The following COL3A1 variants were observed in gnomAD, a reference collection of about 807,000 sequenced individuals.
COL3A1 encodes collagen type III alpha 1 chain.
In COL3A1, 46 loss-of-function variants were observed where a neutral mutation model predicts 200.9. The ratio of observed to expected loss-of-function variants is 0.23; its 90% confidence interval spans 0.18 to 0.29. COL3A1 has a LOEUF of 0.29. Among genes scored for constraint, COL3A1 ranks in the 10% least tolerant of loss-of-function variants. The pLI is 1.00. For synonymous variants in COL3A1, 650 were observed against 628.0 expected, an observed-to-expected ratio of 1.03 and a Z score of -0.52; for missense variants, 1,367 against 1,917.6, an observed-to-expected ratio of 0.71 and a Z score of 5.36.
intron 7 of COL3A1, among the ~76,000 whole-genome samples, chr2:188,989,188 C>T (rs779854813): frequency 1.5e-5 from 2 of 137,062 alleles, no homozygotes; most frequent in Non-Finnish European, 3.0e-5. Flanking sequence ...AATACACATA[C>T]GTAATATATG....
At chr2:188,975,557 T>G (rs1489347864) in intron 1 of COL3A1, among the ~76,000 whole-genome samples, 1 of 152,212 alleles carries the variant, frequency 6.6e-6, no homozygotes, top group Non-Finnish European at 1.5e-5. Flanking sequence ...ACAATTTTTA[T>G]TGCACATAAC....
chr2:188,991,740 C>T lies in COL3A1; in HGVS notation c.951+18C>T, dbSNP rs1688195035. ...GGGCTGCAGTGAGTATAGCTGCTAACATCACACAATTACAACCCAAAGTGA... is the reference window on the plus strand; with the variant it reads ...GGGCTGCAGTGAGTATAGCTGCTAATATCACACAATTACAACCCAAAGTGA... On this transcript the variant is annotated intron_variant, in intron 13 of 50. Transcript: ENST00000304636. 6.2e-7 allele frequency: 1 copy of T among 1,613,556 alleles called. No homozygotes were observed. Among genetic ancestry groups the T allele is most frequent in the African/African-American group, 1.3e-5 (1 of 75,006 alleles).
chr2:188,977,658 A>C (rs1687851196), intron 1 of COL3A1, among the ~76,000 whole-genome samples: 1 of 152,094 alleles, frequency 6.6e-6, no homozygotes, highest in South Asian at 2.1e-4. Context: ...AAAATGACGG[A>C]GTCAAGGCTA....
chr2:188,990,442 G>A, intron 10 of COL3A1, 82 bp downstream of exon 10: 1 of 1,073,640 alleles, frequency 9.3e-7, no homozygotes, highest in South Asian at 1.3e-5. Flanking sequence ...GGACAATTAT[G>A]TGCCAAAAAA....
intron 32 of COL3A1, among the ~76,000 whole-genome samples, chr2:189,000,922 AGAT>A (rs1290468111): frequency 6.6e-6 from 1 of 152,206 alleles, no homozygotes; most frequent in Non-Finnish European, 1.5e-5. Context: ...CAGACTAAGT[AGAT>A]AAGCCGTCAT....
At chr2:188,989,265 A>G (rs1688126899) in intron 7 of COL3A1, 131 bp from the exon 8 acceptor site, 1 of 666,952 alleles carries the variant, frequency 1.5e-6, no homozygotes, top group Non-Finnish European at 2.6e-6. Flanking sequence ...AGTAAGTATC[A>G]TTTTCATTAT....
Position 188,991,745 on chromosome 2 carries a change from C to T in COL3A1, c.951+23C>T, listed in dbSNP as rs13395712. The T allele has an allele frequency of 5.3e-4, 863 of 1,613,296 alleles. 4 individuals are homozygous for T. The African/African-American group carries it at 0.011, about 20-fold the overall frequency. On this transcript the variant is annotated intron_variant, in intron 13 of 50. Coordinates refer to ENST00000304636, the MANE Select transcript of COL3A1 (RefSeq NM_000090.4). ...GCAGTGAGTATAGCTGCTAACATCA[C>T]ACAATTACAACCCAAAGTGACAGAT...
At chr2:188,981,877 T>A (rs1237480823) in intron 1 of COL3A1, among the ~76,000 whole-genome samples, 1 of 151,542 alleles carries the variant, frequency 6.6e-6, no homozygotes, top group Non-Finnish European at 1.5e-5. Context: ...TACAAAACTA[T>A]TTTTTTCAGC....
chr2:189,011,799 C>T lies in COL3A1; in HGVS notation c.*25C>T, dbSNP rs990539723. ...AACCAAACTCTATCTGAAATCCCAA[C>T]AAAAAAAATTTAACTCCATATGTGT... On this transcript the variant is annotated 3_prime_UTR_variant, in exon 51 of 51. Coordinates refer to ENST00000304636, the MANE Select transcript of COL3A1 (RefSeq NM_000090.4). 6.2e-7 allele frequency: 1 copy of T among 1,612,688 alleles called. No homozygotes were observed. Among genetic ancestry groups the T allele is most frequent in the Non-Finnish European group, 8.5e-7 (1 of 1,179,148 alleles).
In COL3A1 at chr2:188,994,640, A is replaced by G. The variant is rs762182763; in HGVS notation, c.1347+46A>G. On this transcript the variant is annotated intron_variant, in intron 19 of 50. Transcript: ENST00000304636. This position sits in a 1 kb window ranked among gnomAD's most constrained non-coding sequence, Gnocchi z 4.5. ...TCTGGTTATTTCTTGAAAAAATGCA[A>G]CATAATTAGAAAGTAAACAGGTAAA... 5 of 1,613,516 alleles carry G rather than the reference A, an allele frequency of 3.1e-6. No homozygotes were observed. Among genetic ancestry groups the G allele is most frequent in the Non-Finnish European group, 4.2e-6 (5 of 1,179,442 alleles).
intron 21 of COL3A1, 95 bp from the exon 22 acceptor site, chr2:188,995,597 T>A: frequency 1.2e-6 from 1 of 820,414 alleles, no homozygotes; most frequent in Non-Finnish European, 2.0e-6. Context: ...TTTTTAAAAG[T>A]TCAAATGACG....
chr2:189,008,328 A>G (rs1170724735), intron 47 of COL3A1, 186 bp downstream of exon 47: 3 of 631,544 alleles, frequency 4.8e-6, no homozygotes, highest in Non-Finnish European at 8.3e-6. Context: ...ATAACAGGAG[A>G]AAAATACCTT....
intron 49 of COL3A1, 109 bp from the exon 50 acceptor site, chr2:189,010,539 A>G: frequency 1.3e-6 from 2 of 1,517,964 alleles, no homozygotes; most frequent in Non-Finnish European, 1.8e-6. Context: ...ACTCGTACAT[A>G]AAATATATAA....
chr2:188,980,782 C>T (rs1375630524), intron 1 of COL3A1, among the ~76,000 whole-genome samples: 1 of 150,730 alleles, frequency 6.6e-6, no homozygotes, highest in East Asian at 1.9e-4. Context: ...TTTATGTTTT[C>T]CAAACAATAT....
At position 189,010,352 on chromosome 2, in the gene COL3A1, A is replaced by G. The variant is rs376651720; in HGVS notation, c.3998A>G (p.Asp1333Gly). Residue 1333 changes from aspartate (D) to glycine (G), a missense_variant, in exon 49 of 51, where the codon GAT (aspartate) becomes GGT (glycine). Asp to Gly is a moderately conservative substitution (Grantham distance 94). Around this residue, in one of 5 missense-constraint regions of COL3A1, gnomAD observed 846 missense variants for 1,147.9 expected, o/e 0.74. Coordinates refer to ENST00000304636, the MANE Select transcript of COL3A1 (RefSeq NM_000090.4). ...CACGTTTGGTTTGGAGAGTCCATGG[A>G]TGGTGGTTTTCAGGTAGGAAAGGAT... The part of the protein sequence containing the change: ...KKHVWFGESM[D>G]GGFQFSYGNP... The G allele has an allele frequency of 1.7e-5, 27 of 1,614,130 alleles. No homozygotes were observed. Among genetic ancestry groups the G allele is most frequent in the Non-Finnish European group, 2.3e-5 (27 of 1,179,998 alleles).
At chr2:189,008,726 C>A in intron 47 of COL3A1, 198 bp from the exon 48 acceptor site, 2 of 625,126 alleles carry the variant, frequency 3.2e-6, no homozygotes, top group Non-Finnish European at 5.6e-6. Context: ...GGAACAATAT[C>A]TTTCTTGATA....
At position 188,996,249 on chromosome 2, in the gene COL3A1, AGTGTGTGT is replaced by A. The variant is rs112143266; in HGVS notation, c.1662+86_1662+93del. On this transcript the variant is annotated intron_variant, in intron 23 of 50. Coordinates refer to ENST00000304636, the MANE Select transcript of COL3A1 (RefSeq NM_000090.4). ...GAATGTATATGTTGGCCTATCCTTG[AGTGTGTGT>A]GTGTGTGTGTGTGTATATATATATA... 1.6e-3 allele frequency: 1,468 copies of A among 904,648 alleles called. 16 individuals carry two copies. In the South Asian group the frequency reaches 0.018, roughly 11 times the overall value. 56.0% of individuals were successfully genotyped at this position (904,648 alleles called of 1,614,324 possible).
intron 28 of COL3A1, 106 bp downstream of exon 28, chr2:188,998,425 T>A: frequency 9.4e-7 from 1 of 1,059,050 alleles, no homozygotes; most frequent in Non-Finnish European, 1.4e-6. Context: ...ATTTGAGATT[T>A]AACATTTAGT....
At chr2:189,003,142 T>G (rs570979629) in intron 36 of COL3A1, 80 bp downstream of exon 36, 20 of 1,138,642 alleles carry the variant, frequency 1.8e-5, no homozygotes, top group Non-Finnish European at 2.6e-5. Flanking sequence ...TCCCTCTCTC[T>G]CTCCCTCTCC....
Sources: gnomAD v4.1 joint callset for allele counts (sites outside exome capture counted in the v4.1 genomes callset) on GRCh38, gnomAD v4.1.1 for gene constraint, gnomAD v4.1.1 regional missense constraint, Gnocchi (gnomAD v3.1) non-coding constraint, MANE v1.5 for transcripts, NCBI Gene and HGNC (gene_info 2026-07-23, HGNC 2026-07-21) for gene names.